POLQ: variants seen among roughly 807,000 people sequenced by gnomAD.
POLQ encodes epididymis secretory sperm binding protein.
Under a neutral mutation model 259.2 loss-of-function variants are expected in POLQ, and 233 were observed. The observed-to-expected ratio is 0.90, with a 90% CI of 0.81 to 1.00. The LOEUF (loss-of-function observed/expected upper bound fraction) is 1.00, where lower values mean the gene tolerates loss of function less well. POLQ is among the 50% of genes least tolerant of loss of function. The probability of loss-of-function intolerance (pLI) is 0.00; values close to 1 mark genes in which losing one functional copy is unlikely to be tolerated. For synonymous variants in POLQ, 1,025 were observed against 1,048.8 expected (o/e 0.98, Z 0.44); for missense variants, 2,871 against 3,051.6 (o/e 0.94, Z 1.39).
At chr3:121,527,218 G>A (rs1576427116) in intron 7 of POLQ, among the ~76,000 whole-genome samples, 3 of 152,110 alleles carry the variant, frequency 2.0e-5, no homozygotes, top group Admixed American at 6.6e-5. Context: ...GCCCCACCAC[G>A]CCTGGCTAAT....
Position 121,440,003 on chromosome 3 carries a change from G to A in POLQ, c.7378C>T (p.Arg2460Cys), listed in dbSNP as rs544658818. 3.0e-5 allele frequency: 48 copies of A among 1,613,342 alleles called. No individual in the cohort carries two copies. In the Middle Eastern group the frequency reaches 6.6e-4, roughly 22 times the overall value. The part of the protein sequence containing the change: ...LPGIKDNNPY[R>C]KAHAERQAIN... ...AAATTTCAACATACGTGAGCTTTAC[G>A]ATAAGGGTTGTTGTCTTTGATTCCT... Residue 2460 changes from arginine to cysteine, a missense_variant, in exon 27 of 30, where the codon CGT (arginine) becomes TGT (cysteine). By Grantham distance (180) the Arg-to-Cys change is radical. Transcript: ENST00000264233.
intron 25 of POLQ, among the ~76,000 whole-genome samples, chr3:121,456,161 G>C (rs1235036411): frequency 6.6e-6 from 1 of 152,126 alleles, no homozygotes; most frequent in African/African-American, 2.4e-5. Flanking sequence ...ATGCAGTAAA[G>C]GCCTTTGGCA....
chr3:121,475,874 T>C (rs1415630146), intron 20 of POLQ, among the ~76,000 whole-genome samples: 2 of 152,092 alleles, frequency 1.3e-5, no homozygotes, highest in Non-Finnish European at 2.9e-5. Flanking sequence ...ATATTTTCTA[T>C]AAGTTCCCTA....
Position 121,510,079 on chromosome 3 carries a change from A to G in POLQ, c.1776T>C (p.Asn592=). Residue 592 remains asparagine (N), a synonymous_variant, in exon 11 of 30, where the codon AAT becomes AAC. Transcript: ENST00000264233. ...TGGCTTCTGTACTCTGGATGAATTC[A>G]TTTTCTAGTAGCCACATCACACAGG... The part of the protein sequence containing the change: ...IEACVMWLLE[N]EFIQSTEASD... 6.2e-7 allele frequency: 1 copy of G among 1,614,028 alleles called. No individual in the cohort carries two copies. The highest frequency in any genetic ancestry group is 1.3e-5 in the African/African-American group (1 of 75,014).
At chr3:121,444,782 A>G (rs1232955300) in intron 26 of POLQ, among the ~76,000 whole-genome samples, 1 of 152,182 alleles carries the variant, frequency 6.6e-6, no homozygotes, top group African/African-American at 2.4e-5. Flanking sequence ...TGTTTCTTGT[A>G]AACCCAGTTT....
rs2047848869 is a variant in POLQ at position 121,467,583 on chromosome 3, C to T, written c.6903G>A (p.Glu2301=). Residue 2301 remains glutamate, a synonymous_variant, in exon 24 of 30, where the codon GAG becomes GAA. Transcript: ENST00000264233. ...ATGGCATTCCTCTGTCTGCAGCTCT[C>T]TCCTCCATCTGTGCCTGGCATCTAG... ...VNPRCQAQME[E]RAADRGMPFS... is the part of the protein sequence containing the mutation. 6.2e-7 allele frequency: 1 copy of T among 1,613,926 alleles called. No individual in the cohort carries two copies. The highest frequency in any genetic ancestry group is 8.5e-7 in the Non-Finnish European group (1 of 1,179,768).
intron 26 of POLQ, among the ~76,000 whole-genome samples, chr3:121,445,862 C>CA (rs35509569): frequency 0.011 from 1,546 of 143,996 alleles, 21 homozygotes; most frequent in African/African-American, 0.032. Flanking sequence ...CACTCCATCT[C>CA]AAAAAAAAAA....
At chr3:121,474,936 G>A (rs937056441) in intron 20 of POLQ, among the ~76,000 whole-genome samples, 1 of 152,286 alleles carries the variant, frequency 6.6e-6, no homozygotes, top group East Asian at 1.9e-4. Context: ...ATGTTTTGAT[G>A]TAAGTATACA....
chr3:121,537,129 A>T lies in POLQ; in HGVS notation c.711T>A (p.Ile237=), dbSNP rs1420404666. 2.5e-6 allele frequency: 4 copies of T among 1,588,162 alleles called. No homozygotes were observed. The South Asian group carries it at 4.4e-5, about 18-fold the overall frequency. The part of the protein sequence containing the change: ...GYLLELLLTK[I]CYITRKSASC... ...ATGCTGATTTCCGAGTAATATAGCA[A>T]ATCTTGGTCAGCAAAAGTTCCAGCA... Residue 237 remains isoleucine, a synonymous_variant, in exon 5 of 30, where the codon ATT becomes ATA. Coordinates refer to ENST00000264233, the MANE Select transcript of POLQ (RefSeq NM_199420.4).
intron 25 of POLQ, among the ~76,000 whole-genome samples, chr3:121,449,914 T>C (rs1034457770): frequency 6.6e-6 from 1 of 152,196 alleles, no homozygotes; most frequent in Non-Finnish European, 1.5e-5. Context: ...CATAGCCACC[T>C]AAATGTCCAC....
intron 27 of POLQ, among the ~76,000 whole-genome samples, chr3:121,438,229 T>C (rs1189222433): frequency 1.3e-5 from 2 of 152,214 alleles, no homozygotes; most frequent in Non-Finnish European, 2.9e-5. Context: ...CTGGAATATT[T>C]TTCCTCAGCA....
At chr3:121,462,386 G>C (rs949134174) in intron 24 of POLQ, among the ~76,000 whole-genome samples, 5 of 152,178 alleles carry the variant, frequency 3.3e-5, no homozygotes, top group African/African-American at 1.2e-4. Flanking sequence ...GCATTTTCCA[G>C]AATCTGTAGC....
chr3:121,529,656 T>G lies in POLQ; in HGVS notation c.1097A>C (p.His366Pro), dbSNP rs750242539. ...CATCCATAACTCACCCTCAGCTTGA[T>G]GATGTAGATTATAAAACTCTCGAGC... ...IIAREFYNLH[H>P]QAEGLVKPSE... Residue 366 changes from histidine (H) to proline (P), a missense_variant, in exon 7 of 30, where the codon CAT becomes CCT. By Grantham distance (77) the His-to-Pro change is moderately conservative. Transcript: ENST00000264233. 6.2e-7 allele frequency: 1 copy of G among 1,613,436 alleles called. No individual in the cohort carries two copies. Among genetic ancestry groups the G allele is most frequent in the South Asian group, 1.1e-5 (1 of 90,922 alleles).
At chr3:121,453,242 A>G (rs1485657157) in intron 25 of POLQ, among the ~76,000 whole-genome samples, 1 of 152,090 alleles carries the variant, frequency 6.6e-6, no homozygotes, top group Non-Finnish European at 1.5e-5. Flanking sequence ...CCATCTGTAC[A>G]TCACCATCAT....
chr3:121,535,479 G>T (rs1377232785), intron 5 of POLQ, among the ~76,000 whole-genome samples: 1 of 152,082 alleles, frequency 6.6e-6, no homozygotes, highest in Non-Finnish European at 1.5e-5. Flanking sequence ...ACTTTGGGAG[G>T]CCGAGGTGGG....
At chr3:121,530,800 A>G (rs553467913) in intron 6 of POLQ, among the ~76,000 whole-genome samples, 1 of 152,310 alleles carries the variant, frequency 6.6e-6, no homozygotes, top group East Asian at 1.9e-4. Flanking sequence ...ATATTGTTCT[A>G]GGTACTGGGG....
chr3:121,500,257 C>G (rs1373465496), intron 12 of POLQ, among the ~76,000 whole-genome samples: 1 of 111,366 alleles, frequency 9.0e-6, no homozygotes, highest in Non-Finnish European at 1.8e-5. Flanking sequence ...CTTGTTTGGG[C>G]AACAGAGCAA....
chr3:121,481,598 G>C lies in POLQ; in HGVS notation c.6185C>G (p.Ser2062Cys), dbSNP rs932592816. 6.2e-7 allele frequency: 1 copy of C among 1,608,494 alleles called. No individual in the cohort carries two copies. The highest frequency in any genetic ancestry group is 1.1e-5 in the South Asian group (1 of 89,960). The change falls in exon 19 of 30, where the codon TCT becomes TGT. Residue 2062 changes from serine to cysteine, a missense_variant. Transcript: ENST00000264233. ...TTGAAGGTTTTCCTTCTGCAACAAA[G>C]AGTTGAGCTGATTCATAGAGTTGAA... is the stretch of plus-strand genomic sequence containing the variant. The part of the protein sequence containing the change: ...LIFNSMNQLN[S>C]LLQKENLQDV...
intron 5 of POLQ, 120 bp downstream of exon 5, chr3:121,536,980 T>G (rs2048455806): frequency 1.6e-6 from 1 of 643,132 alleles, no homozygotes; most frequent in Admixed American, 2.7e-5. Flanking sequence ...TATACATAAG[T>G]TTTCTCAATA....
Sources: allele counts gnomAD v4.1 joint callset (sites outside exome capture counted in the v4.1 genomes callset), GRCh38; gene constraint gnomAD v4.1.1; transcripts MANE v1.5; gene names NCBI Gene and HGNC (gene_info 2026-07-23, HGNC 2026-07-21).